Variants in AP1B1 observed in about 807,000 individuals in gnomAD.
The protein encoded by AP1B1 is adaptor related protein complex 1 subunit beta 1.
In AP1B1, 36 loss-of-function variants were observed where a neutral mutation model predicts 104.3. That is an observed-to-expected ratio of 0.35 (90% confidence interval 0.26 to 0.46). The LOEUF (loss-of-function observed/expected upper bound fraction) is 0.46. Among genes scored for constraint, AP1B1 ranks in the 20% least tolerant of loss-of-function variants. The probability of loss-of-function intolerance (pLI) is 1.00; values close to 1 mark genes in which losing one functional copy is unlikely to be tolerated. For synonymous variants in AP1B1, 504 were observed against 517.5 expected (o/e 0.97, Z 0.35); for missense variants, 901 against 1,247.9 (o/e 0.72, Z 4.19).
chr22:29,358,590 G>T, intron 5 of AP1B1, 136 bp downstream of exon 5: 1 of 1,217,922 alleles, frequency 8.2e-7, no homozygotes, highest in Non-Finnish European at 1.2e-6. Flanking sequence ...CCACCAAAAG[G>T]CACAAGAACA....
chr22:29,369,456 C>T (rs1365512408), intron 1 of AP1B1, among the ~76,000 whole-genome samples: 1 of 152,242 alleles, frequency 6.6e-6, no homozygotes, highest in Non-Finnish European at 1.5e-5. Flanking sequence ...ATTCTACTTC[C>T]CTTTTGCTTT....
intron 1 of AP1B1, among the ~76,000 whole-genome samples, chr22:29,377,583 G>A (rs1190893042): frequency 1.3e-5 from 2 of 152,042 alleles, no homozygotes; most frequent in African/African-American, 4.8e-5. Context: ...GGCTGAGGCT[G>A]GCAGATCATG....
At chr22:29,351,376 T>TTCTA in intron 8 of AP1B1, 110 bp from the exon 9 acceptor site, 1 of 1,267,872 alleles carries the variant, frequency 7.9e-7, no homozygotes, top group Non-Finnish European at 1.2e-6. Flanking sequence ...GGATTCTGCC[T>TTCTA]CCTGCTCCAG....
At position 29,337,826 on chromosome 22, in the gene AP1B1, A is replaced by G. The variant is rs2061659525; in HGVS notation, c.2163+1164T>C. Among the ~76,000 whole-genome samples, 8 of 152,134 alleles carry G rather than the reference A, an allele frequency of 5.3e-5. No individual in the cohort carries two copies. The South Asian group carries it at 1.7e-3, about 32-fold the overall frequency. On this transcript the variant is annotated intron_variant, in intron 16 of 22. Coordinates refer to ENST00000357586, the MANE Select transcript of AP1B1 (RefSeq NM_001127.4). ...AGAGCCCCCGTGGTCCAGCTGCCCC[A>G]GCACTCCTCCTCCCTGCCACGGAAT...
intron 17 of AP1B1, 146 bp downstream of exon 17, chr22:29,334,119 C>T (rs569244158): frequency 2.4e-5 from 22 of 911,464 alleles, no homozygotes; most frequent in East Asian, 2.0e-4. Flanking sequence ...TTGGCCTGAG[C>T]GGTGGTGGGG....
At position 29,339,747 on chromosome 22, in the gene AP1B1, A is replaced by C; in HGVS notation, c.2019+7T>G. The stretch of plus-strand genomic sequence containing the variant: ...GAAGGCTTGGTGACGCAAGGGTTGA[A>C]CCATACCCCTTCAGGCTCATCCCCC... On this transcript the variant is annotated splice_region_variant and intron_variant, in intron 15 of 22. Coordinates refer to ENST00000357586, the MANE Select transcript of AP1B1 (RefSeq NM_001127.4). 1 of 1,609,464 alleles carries C rather than the reference A, an allele frequency of 6.2e-7. No individual in the cohort carries two copies. The highest frequency in any genetic ancestry group is 8.5e-7 in the Non-Finnish European group (1 of 1,178,046).
At position 29,329,652 on chromosome 22, in the gene AP1B1, G is replaced by A. The variant is rs2061527358; in HGVS notation, c.2775+60C>T. Reference sequence around the variant, plus strand: ...GACAGGAGACATGGGGTGCATGGGGGCCATGACAGGAGACAAGACTGGGGA... The same window carrying A: ...GACAGGAGACATGGGGTGCATGGGGACCATGACAGGAGACAAGACTGGGGA... On this transcript the variant is annotated intron_variant, in intron 22 of 22. Coordinates refer to ENST00000357586, the MANE Select transcript of AP1B1 (RefSeq NM_001127.4). 5.0e-6 allele frequency: 8 copies of A among 1,610,406 alleles called. No homozygotes were observed. The East Asian group carries it at 1.8e-4, about 36-fold the overall frequency.
At chr22:29,375,468 C>T (rs1176056669) in intron 1 of AP1B1, among the ~76,000 whole-genome samples, 2 of 151,466 alleles carry the variant, frequency 1.3e-5, no homozygotes, top group East Asian at 3.9e-4. Context: ...ATGCCTGGCA[C>T]ATTCTAGGAG....
In AP1B1 at chr22:29,344,617, T is replaced by C. The variant is rs548762489; in HGVS notation, c.1438-2234A>G. Among the ~76,000 whole-genome samples the C allele has an allele frequency of 3.5e-5, 5 of 143,458 alleles. 1 individual carries two copies. In the South Asian group the frequency reaches 1.1e-3, roughly 32 times the overall value. The allele number at this position is 143,458 out of a possible 152,430, so 94.1% of individuals were successfully genotyped here. A position where few individuals can be genotyped will look rare whatever the true frequency, so the allele number is the denominator to read the frequency against. On this transcript the variant is annotated intron_variant, in intron 11 of 22. Transcript: ENST00000357586. ...TCATCTCACTGCAACCTCCGCCTCC[T>C]GGGTTCAAGTGATTTTCCTGCCTCA...
intron 1 of AP1B1, among the ~76,000 whole-genome samples, chr22:29,372,424 CA>C (rs695265): frequency 0.054 from 2,864 of 53,270 alleles, 80 homozygotes; most frequent in African/African-American, 0.16. Flanking sequence ...AACTGGGTCT[CA>C]AAAAAAAAAA....
intron 5 of AP1B1, among the ~76,000 whole-genome samples, chr22:29,357,333 G>A (rs5752902): frequency 0.16 from 23,797 of 151,994 alleles, 2,031 homozygotes; most frequent in East Asian, 0.29. Context: ...CTCCCAAAGT[G>A]CTAGGATTAT....
At position 29,333,791 on chromosome 22, in the gene AP1B1, C is replaced by A. The variant is rs115451755; in HGVS notation, c.2309+474G>T. Among the ~76,000 whole-genome samples, 479 of 152,322 alleles carry A rather than the reference C, an allele frequency of 3.1e-3. 3 individuals are homozygous for A. Among genetic ancestry groups the A allele is most frequent in the African/African-American group, 0.011 (460 of 41,582 alleles). On this transcript the variant is annotated intron_variant, in intron 17 of 22. Coordinates refer to ENST00000357586, the MANE Select transcript of AP1B1 (RefSeq NM_001127.4). ...AAAAATCCCACTGCTTGGCTGAGCA[C>A]GGTCACTCACACCTATAATCCCAGC...
intron 5 of AP1B1, among the ~76,000 whole-genome samples, chr22:29,357,687 T>G (rs1429760481): frequency 1.0e-5 from 1 of 98,108 alleles, no homozygotes; most frequent in African/African-American, 6.4e-5. Flanking sequence ...CTCAGGCAGC[T>G]GTTTTTTTTT....
intron 11 of AP1B1, among the ~76,000 whole-genome samples, chr22:29,347,600 T>C (rs1232801529): frequency 6.6e-6 from 1 of 152,130 alleles, no homozygotes; most frequent in African/African-American, 2.4e-5. Flanking sequence ...TAACAGACAG[T>C]TCCCAGTTAA....
chr22:29,366,535 G>A (rs2062139739), intron 2 of AP1B1, among the ~76,000 whole-genome samples: 1 of 152,138 alleles, frequency 6.6e-6, no homozygotes. Context: ...GGCTGAGGCA[G>A]GAGTATCACT....
At chr22:29,329,447 T>C in intron 22 of AP1B1, 2 of 1,358,442 alleles carry the variant, frequency 1.5e-6, no homozygotes, top group African/African-American at 1.5e-5. Flanking sequence ...TTCTGCAGGG[T>C]GCAGTTAGGA....
At chr22:29,341,824 C>A in intron 12 of AP1B1, 64 bp from the exon 13 acceptor site, 1 of 1,538,328 alleles carries the variant, frequency 6.5e-7, no homozygotes. Context: ...AGGAGACCTT[C>A]CTGCAGCCAT....
chr22:29,360,290 CCT>C (rs1309888344), intron 3 of AP1B1, among the ~76,000 whole-genome samples: 2 of 152,160 alleles, frequency 1.3e-5, no homozygotes, highest in Admixed American at 6.5e-5. Context: ...GCCCCCTCGC[CCT>C]GAGTCTCAAT....
intron 16 of AP1B1, 38 bp from the exon 17 acceptor site, chr22:29,334,448 C>A: frequency 6.4e-7 from 1 of 1,564,916 alleles, no homozygotes. Context: ...GGGTAGGTGC[C>A]TCTTCCTGCA....
Sources: allele counts gnomAD v4.1 joint callset (sites outside exome capture counted in the v4.1 genomes callset), GRCh38; gene constraint gnomAD v4.1.1; transcripts MANE v1.5; gene names NCBI Gene and HGNC (gene_info 2026-07-23, HGNC 2026-07-21).